COBLL1: variants seen among roughly 807,000 people sequenced by gnomAD.
COBLL1 encodes cordon-bleu WH2 repeat protein like 1.
COBLL1 carries 50 observed loss-of-function variants against 94.8 expected under a neutral mutation model. The observed-to-expected ratio is 0.53, with a 90% CI of 0.42 to 0.67. The LOEUF (loss-of-function observed/expected upper bound fraction) is 0.67, where lower values mean the gene tolerates loss of function less well. Among genes scored for constraint, COBLL1 ranks in the 30% least tolerant of loss-of-function variants. The pLI is 0.00. For missense variants in COBLL1, 1,362 were observed against 1,348.7 expected, an observed-to-expected ratio of 1.01 and a Z score of -0.15; for synonymous variants, 448 against 473.8, an observed-to-expected ratio of 0.95 and a Z score of 0.71.
In COBLL1 at chr2:164,807,146, TA is replaced by T. The variant is rs1423410977; in HGVS notation, c.41+34009del. Among the ~76,000 whole-genome samples, 5 of 152,084 alleles carry T rather than the reference TA, an allele frequency of 3.3e-5. No individual in the cohort carries two copies. The East Asian group carries it at 9.6e-4, about 29-fold the overall frequency. ...CAAGAAGTCTATTTTGACCTTCCCCTAAAAAATGGCTACATAGGACCAGGCA... is the reference window on the plus strand; with the variant it reads ...CAAGAAGTCTATTTTGACCTTCCCCTAAAAATGGCTACATAGGACCAGGCA... On this transcript the variant is annotated intron_variant, in intron 2 of 13. Transcript: ENST00000652658.
intron 2 of COBLL1, among the ~76,000 whole-genome samples, chr2:164,783,987 A>C (rs776451480): frequency 2.6e-5 from 4 of 152,068 alleles, no homozygotes; most frequent in Non-Finnish European, 4.4e-5. Flanking sequence ...TAACCCATCA[A>C]ACACTTCTGA....
chr2:164,717,570 T>C (rs1685229777), intron 7 of COBLL1, among the ~76,000 whole-genome samples: 1 of 152,174 alleles, frequency 6.6e-6, no homozygotes, highest in Non-Finnish European at 1.5e-5. Flanking sequence ...TATTATTTTT[T>C]AAAGACACAG....
intron 1 of COBLL1, among the ~76,000 whole-genome samples, chr2:164,671,961 T>C (rs1363472174): frequency 6.6e-6 from 1 of 151,016 alleles, no homozygotes; most frequent in African/African-American, 2.5e-5. Flanking sequence ...GTATCTTCAA[T>C]ATGTGTCTAT....
chr2:164,709,446 C>T (rs368441441), intron 7 of COBLL1, among the ~76,000 whole-genome samples: 3 of 152,078 alleles, frequency 2.0e-5, no homozygotes, highest in African/African-American at 7.2e-5. Context: ...GGCTGGGTGC[C>T]GTGGCTCACG....
intron 2 of COBLL1, among the ~76,000 whole-genome samples, chr2:164,785,059 G>C (rs1688891404): frequency 6.6e-6 from 1 of 152,124 alleles, no homozygotes; most frequent in Non-Finnish European, 1.5e-5. Flanking sequence ...TGCCATGTGA[G>C]GATGAAGCAA....
chr2:164,730,651 T>C (rs763891104), intron 3 of COBLL1, among the ~76,000 whole-genome samples: 6 of 152,222 alleles, frequency 3.9e-5, no homozygotes, highest in Non-Finnish European at 8.8e-5. Context: ...GTTCAACAAC[T>C]ACTTTTATGT....
At chr2:164,724,622 A>G (rs925712277) in intron 5 of COBLL1, 3 of 152,222 alleles carry the variant, frequency 2.0e-5, no homozygotes, top group Admixed American at 1.3e-4. Context: ...TTTATGGTAA[A>G]TCACAATATA....
intron 2 of COBLL1, among the ~76,000 whole-genome samples, chr2:164,815,517 C>T (rs1684686785): frequency 6.6e-6 from 1 of 151,930 alleles, no homozygotes; most frequent in Admixed American, 6.6e-5. Context: ...GAAAACCTGA[C>T]TCCATCTCTT....
At chr2:164,661,099 G>T (rs1265870909) in intron 2 of COBLL1, among the ~76,000 whole-genome samples, 1 of 152,042 alleles carries the variant, frequency 6.6e-6, no homozygotes, top group African/African-American at 2.4e-5. Flanking sequence ...TATAATAAAA[G>T]TAATGGAGTT....
intron 2 of COBLL1, among the ~76,000 whole-genome samples, chr2:164,769,959 G>T (rs572528783): frequency 6.6e-6 from 1 of 152,160 alleles, no homozygotes; most frequent in Admixed American, 6.5e-5. Context: ...AGGTGTCTTT[G>T]GTCAAGAAAT....
rs543005860 is a variant in COBLL1 at position 164,805,287 on chromosome 2, GTCTCTC to G, written c.41+35863_41+35868del. Among the ~76,000 whole-genome samples the G allele has an allele frequency of 5.9e-3, 201 of 34,138 alleles. 11 individuals carry two copies. The highest frequency in any genetic ancestry group is 0.011 in the African/African-American group (85 of 7,428). The allele number at this position is 34,138 out of a possible 152,430, so 22.4% of individuals were successfully genotyped here. A position where few individuals can be genotyped will look rare whatever the true frequency, so the allele number is the denominator to read the frequency against. On this transcript the variant is annotated intron_variant, in intron 2 of 13. Transcript: ENST00000652658. ...TACTGATATATTATTCTCTCTGTCT[GTCTCTC>G]TCTCTCTCTCTCTCTCTCTCTCTCT...
intron 2 of COBLL1, among the ~76,000 whole-genome samples, chr2:164,796,705 C>CAAAAAAA (rs34412964): frequency 1.2e-5 from 1 of 86,694 alleles, no homozygotes; most frequent in African/African-American, 4.2e-5. Context: ...GCTGGCCTTC[C>CAAAAAAA]AAAAAAAAAA....
intron 10 of COBLL1, among the ~76,000 whole-genome samples, chr2:164,700,308 AG>A (rs1481912264): frequency 2.0e-5 from 3 of 152,182 alleles, no homozygotes; most frequent in Non-Finnish European, 4.4e-5. Flanking sequence ...TATCTGACAC[AG>A]GGATATTAGA....
intron 2 of COBLL1, among the ~76,000 whole-genome samples, chr2:164,768,305 A>G (rs355847): frequency 0.11 from 16,168 of 152,248 alleles, 904 homozygotes; most frequent in Middle Eastern, 0.16. Flanking sequence ...TCAATAAAAT[A>G]ATAATCTAAG....
chr2:164,760,775 G>A (rs1279580369), intron 2 of COBLL1, among the ~76,000 whole-genome samples: 1 of 152,124 alleles, frequency 6.6e-6, no homozygotes, highest in Admixed American at 6.5e-5. Flanking sequence ...ATCTAAGGTA[G>A]TGATTCTCAA....
intron 2 of COBLL1, among the ~76,000 whole-genome samples, chr2:164,811,176 G>A (rs1684439673): frequency 6.6e-6 from 1 of 151,804 alleles, no homozygotes; most frequent in South Asian, 2.1e-4. Flanking sequence ...AAACTATTTT[G>A]TTTACATGTT....
chr2:164,752,698 G>A (rs550170697), intron 2 of COBLL1, among the ~76,000 whole-genome samples: 1 of 152,170 alleles, frequency 6.6e-6, no homozygotes, highest in East Asian at 1.9e-4. Context: ...CATTTAAACA[G>A]GAAGGCAGAT....
Position 164,668,336 on chromosome 2 carries a change from T to G in COBLL1, n.127-2435A>C, listed in dbSNP as rs1691197050. The stretch of plus-strand genomic sequence containing the variant: ...GCTTTTGGTACAAAGTGAGAGCCTT[T>G]AACTCTTTCTTTCACTTGAACACTT... On this transcript the variant is annotated intron_variant and non_coding_transcript_variant, in intron 1 of 2. Transcript: ENST00000495084. 2.0e-5 allele frequency among the ~76,000 whole-genome samples: 3 copies of G among 152,190 alleles called. No homozygotes were observed. The South Asian group carries it at 6.2e-4, about 31-fold the overall frequency.
intron 2 of COBLL1, among the ~76,000 whole-genome samples, chr2:164,817,297 T>C (rs1419328510): frequency 2.0e-5 from 3 of 150,082 alleles, no homozygotes; most frequent in Non-Finnish European, 4.4e-5. Context: ...AATGTGAACT[T>C]GTAATATGAA....
Sources: allele counts gnomAD v4.1 joint callset (sites outside exome capture counted in the v4.1 genomes callset), GRCh38; gene constraint gnomAD v4.1.1; transcripts MANE v1.5; gene names NCBI Gene and HGNC (gene_info 2026-07-23, HGNC 2026-07-21).